The following ARHGAP15 variants were observed in gnomAD, a reference collection of about 807,000 sequenced individuals.
ARHGAP15 encodes Rho GTPase activating protein 15, also known as rho GTPase-activating protein 15.
ARHGAP15 carries 51 observed loss-of-function variants against 63.7 expected under a neutral mutation model. The ratio of observed to expected loss-of-function variants is 0.80; its 90% CI spans 0.64 to 1.01. ARHGAP15 has a LOEUF of 1.01. Among genes scored for constraint, ARHGAP15 ranks in the 50% least tolerant of loss-of-function variants. The pLI is 0.00. For missense variants in ARHGAP15, 560 were observed against 564.6 expected (o/e 0.99, Z 0.08); for synonymous variants, 191 against 193.8 (o/e 0.99, Z 0.12).
At chr2:143,668,133 G>A (rs1330188345) in intron 12 of ARHGAP15, among the ~76,000 whole-genome samples, 1 of 151,984 alleles carries the variant, frequency 6.6e-6, no homozygotes, top group African/African-American at 2.4e-5. Context: ...AACACTGTTC[G>A]CAAATCTGAA....
chr2:143,404,993 A>G (rs1688137514), intron 6 of ARHGAP15, among the ~76,000 whole-genome samples: 1 of 151,952 alleles, frequency 6.6e-6, no homozygotes, highest in Admixed American at 6.6e-5. Context: ...CAAAATTTAC[A>G]ACTTCTACAT....
intron 12 of ARHGAP15, among the ~76,000 whole-genome samples, chr2:143,675,982 AC>A (rs1420929587): frequency 2.0e-5 from 3 of 152,204 alleles, no homozygotes; most frequent in Non-Finnish European, 4.4e-5. Flanking sequence ...GTTTAGTGTA[AC>A]CACCATCATC....
At chr2:143,551,693 C>T (rs1426902705) in intron 10 of ARHGAP15, among the ~76,000 whole-genome samples, 2 of 151,918 alleles carry the variant, frequency 1.3e-5, no homozygotes, top group Non-Finnish European at 2.9e-5. Context: ...CAGCTATTTC[C>T]TAAGGGAATC....
intron 6 of ARHGAP15, among the ~76,000 whole-genome samples, chr2:143,307,276 C>T (rs1683215973): frequency 6.6e-6 from 1 of 152,066 alleles, no homozygotes; most frequent in Non-Finnish European, 1.5e-5. Flanking sequence ...TCTTCAAAAT[C>T]CCCTCACCAA....
chr2:143,378,699 T>TC (rs1686920795), intron 6 of ARHGAP15, among the ~76,000 whole-genome samples: 5 of 152,012 alleles, frequency 3.3e-5, no homozygotes, highest in South Asian at 2.1e-4. Context: ...TTTATCTCCT[T>TC]CCCCCTCCAC....
intron 8 of ARHGAP15, among the ~76,000 whole-genome samples, chr2:143,456,948 G>T (rs1690686594): frequency 1.3e-5 from 2 of 151,862 alleles, no homozygotes; most frequent in Admixed American, 6.6e-5. Flanking sequence ...AGTTGATTTA[G>T]AAATTAATAT....
At chr2:143,756,941 T>C (rs1007829618) in intron 13 of ARHGAP15, among the ~76,000 whole-genome samples, 3 of 151,902 alleles carry the variant, frequency 2.0e-5, no homozygotes, top group Non-Finnish European at 4.4e-5. Flanking sequence ...AGTCTCTTGA[T>C]GTCAAATTCA....
At chr2:143,534,204 C>T (rs1694646435) in intron 10 of ARHGAP15, among the ~76,000 whole-genome samples, 1 of 152,190 alleles carries the variant, frequency 6.6e-6, no homozygotes, top group Non-Finnish European at 1.5e-5. Context: ...ATAAGGGGCT[C>T]TTCCTCCCTC....
Position 143,487,364 on chromosome 2 carries a change from A to T in ARHGAP15, c.704-9A>T. Reference sequence around the variant, plus strand: ...TTACCAAAAGCCTCTGATTTTTTTAAATCTTCAGTGTTCAGACTGCATCAC... The same window carrying T: ...TTACCAAAAGCCTCTGATTTTTTTATATCTTCAGTGTTCAGACTGCATCAC... On this transcript the variant is annotated splice_polypyrimidine_tract_variant and intron_variant, in intron 8 of 13. Transcript: ENST00000295095. 1 of 1,590,808 alleles carries T rather than the reference A, an allele frequency of 6.3e-7. No individual in the cohort carries two copies. The highest frequency in any genetic ancestry group is 1.9e-5 in the Admixed American group (1 of 53,330).
At chr2:143,679,080 A>G (rs1006925528) in intron 12 of ARHGAP15, among the ~76,000 whole-genome samples, 3 of 152,164 alleles carry the variant, frequency 2.0e-5, no homozygotes, top group Non-Finnish European at 4.4e-5. Context: ...GTTGATTAGA[A>G]AAGTCAATCA....
At chr2:143,345,067 T>C (rs1440300033) in intron 6 of ARHGAP15, among the ~76,000 whole-genome samples, 1 of 152,094 alleles carries the variant, frequency 6.6e-6, no homozygotes, top group African/African-American at 2.4e-5. Flanking sequence ...GAGGTTAGGG[T>C]TGATCATTTA....
chr2:143,454,400 A>T (rs1690551255), intron 8 of ARHGAP15, among the ~76,000 whole-genome samples: 1 of 152,090 alleles, frequency 6.6e-6, no homozygotes, highest in Admixed American at 6.6e-5. Flanking sequence ...AATGTGTTTT[A>T]TTTGGCTGGG....
At chr2:143,387,822 T>TACACAC (rs941919734) in intron 6 of ARHGAP15, among the ~76,000 whole-genome samples, 7 of 150,910 alleles carry the variant, frequency 4.6e-5, no homozygotes, top group African/African-American at 1.7e-4. Context: ...AGAATACACA[T>TACACAC]ACACACACAC....
intron 8 of ARHGAP15, among the ~76,000 whole-genome samples, chr2:143,441,606 T>A (rs1689886275): frequency 6.6e-6 from 1 of 152,226 alleles, no homozygotes; most frequent in African/African-American, 2.4e-5. Flanking sequence ...ATAACTTTTG[T>A]ATGTAGGTTA....
chr2:143,443,744 T>C (rs1431358907), intron 8 of ARHGAP15, among the ~76,000 whole-genome samples: 1 of 152,126 alleles, frequency 6.6e-6, no homozygotes, highest in African/African-American at 2.4e-5. Flanking sequence ...TAGACACATT[T>C]GATAGTCAAG....
chr2:143,627,209 A>G (rs964005698), intron 12 of ARHGAP15, among the ~76,000 whole-genome samples: 1 of 152,206 alleles, frequency 6.6e-6, no homozygotes, highest in African/African-American at 2.4e-5. Flanking sequence ...ATGGACTAAG[A>G]CACTCAGCAG....
At chr2:143,180,860 A>G (rs1691209387) in intron 2 of ARHGAP15, among the ~76,000 whole-genome samples, 1 of 152,006 alleles carries the variant, frequency 6.6e-6, no homozygotes, top group Non-Finnish European at 1.5e-5. Flanking sequence ...TTTTTAGTAG[A>G]GACGGGGTTT....
At chr2:143,750,600 A>T (rs1178654222) in intron 13 of ARHGAP15, among the ~76,000 whole-genome samples, 1 of 152,204 alleles carries the variant, frequency 6.6e-6, no homozygotes, top group East Asian at 1.9e-4. Flanking sequence ...CTAAGATCAC[A>T]GTCAGTACCT....
intron 12 of ARHGAP15, among the ~76,000 whole-genome samples, chr2:143,670,719 G>A (rs1301538151): frequency 6.6e-6 from 1 of 152,080 alleles, no homozygotes; most frequent in East Asian, 1.9e-4. Context: ...TCCATCATCA[G>A]GTCCACTGCA....
Sources: allele counts gnomAD v4.1 joint callset (sites outside exome capture counted in the v4.1 genomes callset), GRCh38; gene constraint gnomAD v4.1.1; transcripts MANE v1.5; gene names NCBI Gene and HGNC (gene_info 2026-07-23, HGNC 2026-07-21).